RORA: variants seen among roughly 807,000 people sequenced by gnomAD.
RORA encodes nuclear receptor ROR-alpha.
Under a neutral mutation model 69.5 loss-of-function variants are expected in RORA, and 7 were observed. The ratio of observed to expected loss-of-function variants is 0.10; its 90% CI spans 0.06 to 0.19. The LOEUF is 0.19. Ranked by LOEUF, RORA falls within the 10% of genes least tolerant of loss-of-function variation. RORA has a pLI of 1.00. For missense variants in RORA, 457 were observed against 663.0 expected, an observed-to-expected ratio of 0.69 and a Z score of 3.41; for synonymous variants, 261 against 240.8, an observed-to-expected ratio of 1.08 and a Z score of -0.78.
chr15:60,558,766 C>A (rs2067445633), intron 2 of RORA, among the ~76,000 whole-genome samples: 2 of 152,156 alleles, frequency 1.3e-5, no homozygotes, highest in African/African-American at 2.4e-5. Context: ...GCAAGAGTCA[C>A]CTGTATTTTG....
chr15:60,522,995 A>G (rs888364734), intron 3 of RORA, among the ~76,000 whole-genome samples: 66 of 150,344 alleles, frequency 4.4e-4, no homozygotes, highest in Non-Finnish European at 7.7e-4. Flanking sequence ...CCGAGATCAC[A>G]CCACTGCACT....
At position 60,537,163 on chromosome 15, in the gene RORA, G is replaced by A. The variant is rs2066706291; in HGVS notation, c.197-5312C>T. On this transcript the variant is annotated intron_variant, in intron 2 of 10. Coordinates refer to ENST00000335670, the MANE Select transcript of RORA (RefSeq NM_134261.3). This position sits in a 1 kb window ranked among gnomAD's most constrained non-coding sequence, Gnocchi z 4.9. ...GCTTGCGTGTCAAGGTTAGCCGGGG[G>A]AGAGCTGCAGAGTCTTCACCTTATT... is the stretch of plus-strand genomic sequence containing the variant. Among the ~76,000 whole-genome samples the A allele has an allele frequency of 6.6e-6, 1 of 152,230 alleles. No homozygotes were observed.
intron 1 of RORA, among the ~76,000 whole-genome samples, chr15:60,797,468 AC>A (rs1411540611): frequency 6.6e-6 from 1 of 152,194 alleles, no homozygotes; most frequent in Non-Finnish European, 1.5e-5. Context: ...CCAAGAAGCC[AC>A]AGGTCTTTTC....
At chr15:60,538,917 C>T (rs756528816) in intron 2 of RORA, among the ~76,000 whole-genome samples, 1 of 151,742 alleles carries the variant, frequency 6.6e-6, no homozygotes, top group Non-Finnish European at 1.5e-5. Flanking sequence ...AAAACTTCAA[C>T]TGGATTGTAA....
chr15:61,150,285 T>TC (rs1464776625), intron 1 of RORA, among the ~76,000 whole-genome samples: 4 of 152,236 alleles, frequency 2.6e-5, no homozygotes, highest in Non-Finnish European at 4.4e-5. Flanking sequence ...GTTAATCCTC[T>TC]TTGGGCTTAT....
intron 1 of RORA, among the ~76,000 whole-genome samples, chr15:61,222,146 G>A (rs1382852786): frequency 6.6e-6 from 1 of 152,080 alleles, no homozygotes; most frequent in Non-Finnish European, 1.5e-5. Context: ...GGGGCAGCCT[G>A]GAGTCCTCCA....
chr15:61,100,146 G>GTC, intron 1 of RORA, among the ~76,000 whole-genome samples: 1 of 138,990 alleles, frequency 7.2e-6, no homozygotes, highest in South Asian at 2.3e-4. Flanking sequence ...TTGAGATGGA[G>GTC]TCTCACTCTG....
chr15:60,599,095 A>C (rs2068758952), intron 2 of RORA, among the ~76,000 whole-genome samples: 1 of 152,240 alleles, frequency 6.6e-6, no homozygotes, highest in Admixed American at 6.5e-5. Flanking sequence ...AGTGCCATGT[A>C]AGTCAAGAAT....
At chr15:61,015,051 G>A (rs751645744) in intron 1 of RORA, among the ~76,000 whole-genome samples, 16 of 152,182 alleles carry the variant, frequency 1.1e-4, no homozygotes, top group African/African-American at 3.4e-4. Context: ...CCCGAAGCTC[G>A]TTAAACTACC....
chr15:61,202,583 A>C (rs1190552094), intron 1 of RORA, among the ~76,000 whole-genome samples: 1 of 152,112 alleles, frequency 6.6e-6, no homozygotes, highest in African/African-American at 2.4e-5. Flanking sequence ...TGGTGCTAAC[A>C]ACCTCATAGG....
intron 1 of RORA, among the ~76,000 whole-genome samples, chr15:60,915,182 T>C (rs1198653852): frequency 6.6e-6 from 1 of 152,210 alleles, no homozygotes; most frequent in Non-Finnish European, 1.5e-5. Context: ...GAAACAAGGC[T>C]ATGGGCAGTT....
At chr15:60,936,054 A>G (rs1237375324) in intron 1 of RORA, among the ~76,000 whole-genome samples, 2 of 152,198 alleles carry the variant, frequency 1.3e-5, no homozygotes, top group African/African-American at 4.8e-5. Context: ...CTCAGCCTGA[A>G]GGCTCATCAT....
At position 60,534,123 on chromosome 15, in the gene RORA, C is replaced by CCTGT. The variant is rs1157038488; in HGVS notation, c.197-2273_197-2272insACAG. 6.6e-6 allele frequency among the ~76,000 whole-genome samples: 1 copy of CCTGT among 152,216 alleles called. No individual in the cohort carries two copies. The highest frequency in any genetic ancestry group is 1.5e-5 in the Non-Finnish European group (1 of 68,040). On this transcript the variant is annotated intron_variant, in intron 2 of 10. Transcript: ENST00000335670. The surrounding 1 kb of genome is among the most constrained non-coding windows in gnomAD (Gnocchi z 5.0). ...TATTCCTGTACAGTCGGCCTGGACT[C>CCTGT]ACAGTGGATTACTAATTAGAAGTGA...
At chr15:60,514,779 TA>T in intron 3 of RORA, 22 bp from the exon 4 acceptor site, 1 of 1,607,810 alleles carries the variant, frequency 6.2e-7, no homozygotes, top group East Asian at 2.2e-5. Context: ...TTATAAAATA[TA>T]AAACAGGTTA....
intron 1 of RORA, among the ~76,000 whole-genome samples, chr15:60,988,996 T>C (rs1390704113): frequency 6.6e-6 from 1 of 152,210 alleles, no homozygotes; most frequent in Non-Finnish European, 1.5e-5. Context: ...ATGTCCACCA[T>C]GTATACATCA....
chr15:60,520,563 G>A (rs2141384025), intron 3 of RORA, among the ~76,000 whole-genome samples: 1 of 152,260 alleles, frequency 6.6e-6, no homozygotes, highest in East Asian at 1.9e-4. Flanking sequence ...GAAGTAGTGT[G>A]TTTCTAAGTA....
At chr15:61,103,377 A>G (rs763375234) in intron 1 of RORA, among the ~76,000 whole-genome samples, 11 of 151,978 alleles carry the variant, frequency 7.2e-5, no homozygotes, top group Non-Finnish European at 1.6e-4. Context: ...TGCTCCTACT[A>G]CTCCTTTGAT....
At position 60,988,879 on chromosome 15, in the gene RORA, C is replaced by T. The variant is rs1464126150; in HGVS notation, c.166+240174G>A. Among the ~76,000 whole-genome samples, 6 of 149,646 alleles carry T rather than the reference C, an allele frequency of 4.0e-5. No homozygotes were observed. The South Asian group carries it at 6.4e-4, about 16-fold the overall frequency. ...GTTGAAACTACTATGATCTCACTGT[C>T]TTTTCTTTTACACCGAAGGAAAGAA... On this transcript the variant is annotated intron_variant, in intron 1 of 10. Transcript: ENST00000335670.
chr15:60,912,420 T>C lies in RORA; in HGVS notation c.167-233734A>G, dbSNP rs1363045338. Among the ~76,000 whole-genome samples the C allele has an allele frequency of 2.3e-5, 3 of 131,416 alleles. No individual in the cohort carries two copies. The East Asian group carries it at 8.9e-4, about 39-fold the overall frequency. The allele number at this position is 131,416 out of a possible 152,430, so 86.2% of individuals were successfully genotyped here. A position where few individuals can be genotyped will look rare whatever the true frequency, so the allele number is the denominator to read the frequency against. ...CAGCCTGGGCAATAGAGGGAGACCATGCCTCAAAAAAACAAAACAAAACAA... is the reference window on the plus strand; with the variant it reads ...CAGCCTGGGCAATAGAGGGAGACCACGCCTCAAAAAAACAAAACAAAACAA... On this transcript the variant is annotated intron_variant, in intron 1 of 10. Coordinates refer to ENST00000335670, the MANE Select transcript of RORA (RefSeq NM_134261.3).
Sources: gnomAD v4.1 joint callset for allele counts (sites outside exome capture counted in the v4.1 genomes callset) on GRCh38, gnomAD v4.1.1 for gene constraint, Gnocchi (gnomAD v3.1) non-coding constraint, MANE v1.5 for transcripts, NCBI Gene and HGNC (gene_info 2026-07-23, HGNC 2026-07-21) for gene names.